SNX19: variants seen among roughly 807,000 people sequenced by gnomAD.
SNX19 encodes sorting nexin 19.
Under a neutral mutation model 85.2 loss-of-function variants are expected in SNX19, and 60 were observed. The ratio of observed to expected loss-of-function variants is 0.70; its 90% CI spans 0.57 to 0.87. SNX19 has a LOEUF of 0.87. Ranked by LOEUF, SNX19 falls within the 40% of genes least tolerant of loss-of-function variation. The pLI is 0.00. For missense variants in SNX19, 1,201 were observed against 1,217.8 expected, an observed-to-expected ratio of 0.99 and a Z score of 0.21; for synonymous variants, 520 against 470.0, an observed-to-expected ratio of 1.11 and a Z score of -1.38.
chr11:130,894,295 T>C (rs1222838045), intron 8 of SNX19, among the ~76,000 whole-genome samples: 1 of 152,192 alleles, frequency 6.6e-6, no homozygotes, highest in Non-Finnish European at 1.5e-5. Flanking sequence ...GCTCCAGCAC[T>C]GAATTTTTAA....
rs374149198 is a variant in SNX19 at position 130,877,318 on chromosome 11, T to C, written c.*1104A>G. 1 of 152,360 alleles carries C rather than the reference T, an allele frequency of 6.6e-6. No individual in the cohort carries two copies. Among genetic ancestry groups the C allele is most frequent in the East Asian group, 1.9e-4 (1 of 5,188 alleles). 9.4% of individuals were successfully genotyped at this position (152,360 alleles called of 1,614,324 possible). A position where few individuals can be genotyped will look rare whatever the true frequency, so the allele number is the denominator to read the frequency against. On this transcript the variant is annotated 3_prime_UTR_variant, in exon 11 of 11. Coordinates refer to ENST00000265909, the MANE Select transcript of SNX19 (RefSeq NM_014758.3). ...CCAGTTGCCTTGCCTTTCTAATAGA[T>C]GTTGCAGTCTGACAAAACACCTTTG...
intron 8 of SNX19, among the ~76,000 whole-genome samples, chr11:130,889,450 A>G (rs1240153168): frequency 3.3e-5 from 5 of 152,230 alleles, no homozygotes; most frequent in African/African-American, 9.6e-5. Flanking sequence ...ATTCATTTTG[A>G]CATCTCCTTT....
In SNX19 at chr11:130,915,803, A is replaced by C. The variant is rs778964710; in HGVS notation, c.137T>G (p.Val46Gly). The change falls in exon 1 of 11, where the codon GTC (valine) becomes GGC (glycine). Residue 46 changes from valine (V) to glycine (G), a missense_variant. Coordinates refer to ENST00000265909, the MANE Select transcript of SNX19 (RefSeq NM_014758.3). Reference protein sequence around the residue: ...LGWLLVIHLLVNVWLLCLLSA... With the variant: ...LGWLLVIHLLGNVWLLCLLSA... ...CAGAAGGCACAGCAGCCACACGTTG[A>C]CCAGAAGGTGTATGACCAGGAGCCA... 6.2e-7 allele frequency: 1 copy of C among 1,614,176 alleles called. No homozygotes were observed. The highest frequency in any genetic ancestry group is 1.1e-5 in the South Asian group (1 of 91,090).
rs1943072615 is a variant in SNX19, at chr11:130,872,627, G to A, written c.*5795C>T. On this transcript the variant is annotated 3_prime_UTR_variant, in exon 11 of 11. Transcript: ENST00000265909. ...ATATGCTAGCTGAAATTCACCCTTC[G>A]ATGGTTTCATTTTCTTGTCTACAAA... Among the ~76,000 whole-genome samples the A allele has an allele frequency of 6.6e-6, 1 of 152,054 alleles. No homozygotes were observed. The highest frequency in any genetic ancestry group is 6.6e-5 in the Admixed American group (1 of 15,266).
intron 8 of SNX19, among the ~76,000 whole-genome samples, chr11:130,897,607 A>G (rs1944966560): frequency 6.6e-6 from 1 of 151,950 alleles, no homozygotes; most frequent in African/African-American, 2.4e-5. Context: ...CCAGCTTCTC[A>G]TTCCTTCACT....
At position 130,879,041 on chromosome 11, in the gene SNX19, C is replaced by A. The variant is rs1414485179; in HGVS notation, c.2847-487G>T. Among the ~76,000 whole-genome samples, 3 of 152,270 alleles carry A rather than the reference C, an allele frequency of 2.0e-5. No homozygotes were observed. The East Asian group carries it at 5.8e-4, about 29-fold the overall frequency. On this transcript the variant is annotated intron_variant, in intron 10 of 10. Coordinates refer to ENST00000265909, the MANE Select transcript of SNX19 (RefSeq NM_014758.3). ...TCAATACTTCCAGAAGAGTAACAGCCCAAGGGATGGAATCTACCTCTTCTG... is the reference window on the plus strand; with the variant it reads ...TCAATACTTCCAGAAGAGTAACAGCACAAGGGATGGAATCTACCTCTTCTG...
intron 4 of SNX19, among the ~76,000 whole-genome samples, chr11:130,909,301 C>T (rs1179941978): frequency 2.0e-5 from 3 of 152,216 alleles, no homozygotes; most frequent in East Asian, 3.8e-4. Flanking sequence ...TATCCCCTAA[C>T]ACCTACTACA....
chr11:130,887,908 C>T (rs1183549675), intron 8 of SNX19, among the ~76,000 whole-genome samples: 1 of 152,024 alleles, frequency 6.6e-6, no homozygotes, highest in Non-Finnish European at 1.5e-5. Context: ...AATGATGTGC[C>T]CAGAACCAAA....
At chr11:130,908,104 G>C in intron 4 of SNX19, 21 bp from the exon 5 acceptor site, 2 of 1,612,520 alleles carry the variant, frequency 1.2e-6, no homozygotes, top group East Asian at 4.5e-5. Context: ...CAGAGGTGCA[G>C]GGTCAGTCCA....
rs1320368113 is a variant in SNX19, at chr11:130,877,892, C to T, written c.*530G>A. 1 of 152,340 alleles carries T rather than the reference C, an allele frequency of 6.6e-6. No homozygotes were observed. Among genetic ancestry groups the T allele is most frequent in the Non-Finnish European group, 1.5e-5 (1 of 68,054 alleles). The allele number at this position is 152,340 out of a possible 1,614,324, so 9.4% of individuals were successfully genotyped here. ...TTCTTCCCTCCTTCTTCTTCTGGAACTGTTGGGAAACTAGATTAGACCCAG... is the reference window on the plus strand; with the variant it reads ...TTCTTCCCTCCTTCTTCTTCTGGAATTGTTGGGAAACTAGATTAGACCCAG... On this transcript the variant is annotated 3_prime_UTR_variant, in exon 11 of 11. Coordinates refer to ENST00000265909, the MANE Select transcript of SNX19 (RefSeq NM_014758.3).
chr11:130,915,790 C>T lies in SNX19; in HGVS notation c.150G>A (p.Leu50=). Residue 50 remains leucine (L), a synonymous_variant, in exon 1 of 11, where the codon CTG becomes CTA. Transcript: ENST00000265909. ...CTAGCAATGCCGACAGAAGGCACAG[C>T]AGCCACACGTTGACCAGAAGGTGTA... ...LVIHLLVNVW[L]LCLLSALLVV... is the part of the protein sequence containing the mutation. 1.9e-6 allele frequency: 3 copies of T among 1,614,218 alleles called. No individual in the cohort carries two copies. The highest frequency in any genetic ancestry group is 2.5e-6 in the Non-Finnish European group (3 of 1,180,038).
rs1189399027 is a variant in SNX19, at chr11:130,877,189, T to A, written c.*1233A>T. ...GCTCCCAGTGACATCCTTGACATCT[T>A]TTTGCCAGCTATTCACATGCATTTA... On this transcript the variant is annotated 3_prime_UTR_variant, in exon 11 of 11. Transcript: ENST00000265909. 6.6e-6 allele frequency: 1 copy of A among 152,214 alleles called. No individual in the cohort carries two copies. The highest frequency in any genetic ancestry group is 2.4e-5 in the African/African-American group (1 of 41,450). 9.4% of individuals were successfully genotyped at this position (152,214 alleles called of 1,614,324 possible). A position where few individuals can be genotyped will look rare whatever the true frequency, so the allele number is the denominator to read the frequency against.
chr11:130,875,615 G>T lies in SNX19; in HGVS notation c.*2807C>A, dbSNP rs924889856. ...TGTATTGATTTTAAAATTTATACAT[G>T]CTCTCACTCATAGGTGGGAATTGAA... On this transcript the variant is annotated 3_prime_UTR_variant, in exon 11 of 11. Transcript: ENST00000265909. The T allele has an allele frequency of 2.6e-5, 4 of 150,994 alleles. No individual in the cohort carries two copies. The Admixed American group carries it at 2.7e-4, about 10-fold the overall frequency. 9.4% of individuals were successfully genotyped at this position (150,994 alleles called of 1,614,324 possible).
intron 8 of SNX19, chr11:130,895,136 G>A (rs1944151): frequency 0.19 from 186,669 of 985,326 alleles, 18,343 homozygotes; most frequent in Middle Eastern, 0.22. Context: ...GGAGGCCCAG[G>A]TTGTGGAGGG....
Position 130,910,298 on chromosome 11 carries a change from C to T in SNX19, c.1886G>A (p.Arg629His), listed in dbSNP as rs750642764. Residue 629 changes from arginine to histidine, a missense_variant, in exon 3 of 11, where the codon CGT becomes CAT. By Grantham distance (29) the Arg-to-His change is conservative. Coordinates refer to ENST00000265909, the MANE Select transcript of SNX19 (RefSeq NM_014758.3). ...GNMDSDRVEARKSLLESFLKQ... is the reference protein window; with the variant it reads ...GNMDSDRVEAHKSLLESFLKQ... Reference sequence around the variant, plus strand: ...TAGGAATGATTCTAGGAGGCTCTTACGGGCTTCTACTCTGTCACTGTCCAT... The same window carrying T: ...TAGGAATGATTCTAGGAGGCTCTTATGGGCTTCTACTCTGTCACTGTCCAT... 18 of 1,613,118 alleles carry T rather than the reference C, an allele frequency of 1.1e-5. No homozygotes were observed. The highest frequency in any genetic ancestry group is 2.2e-5 in the East Asian group (1 of 44,882).
intron 8 of SNX19, among the ~76,000 whole-genome samples, chr11:130,896,966 TAA>T (rs1313177086): frequency 1.3e-5 from 2 of 151,958 alleles, no homozygotes; most frequent in South Asian, 2.1e-4. Context: ...TGGAGCGTTC[TAA>T]GAGAACAGTG....
At chr11:130,914,182 T>C in intron 1 of SNX19, 84 bp downstream of exon 1, 2 of 1,174,204 alleles carry the variant, frequency 1.7e-6, no homozygotes, top group Non-Finnish European at 2.4e-6. Flanking sequence ...TAACAGCATC[T>C]CTCCCCCAAG....
chr11:130,905,432 T>C lies in SNX19; in HGVS notation c.2443+521A>G, dbSNP rs538891170. On this transcript the variant is annotated intron_variant, in intron 7 of 10. Coordinates refer to ENST00000265909, the MANE Select transcript of SNX19 (RefSeq NM_014758.3). Reference sequence around the variant, plus strand: ...CCAAGTGAAGATATACAATATTCAATGTTTAAGGCATCACCACACACATGT... The same window carrying C: ...CCAAGTGAAGATATACAATATTCAACGTTTAAGGCATCACCACACACATGT... Among the ~76,000 whole-genome samples, 14 of 152,310 alleles carry C rather than the reference T, an allele frequency of 9.2e-5. No homozygotes were observed. The East Asian group carries it at 2.7e-3, about 30-fold the overall frequency.
rs1055604505 is a variant in SNX19 at position 130,868,910 on chromosome 11, A to G, written c.*9512T>C. Reference sequence around the variant, plus strand: ...CCTATCAGGAGGAAAGAAATATGTTACTCACTGCCACAAGAAGGTTGCCAA... The same window carrying G: ...CCTATCAGGAGGAAAGAAATATGTTGCTCACTGCCACAAGAAGGTTGCCAA... On this transcript the variant is annotated 3_prime_UTR_variant, in exon 11 of 11. Transcript: ENST00000265909. The G allele has an allele frequency of 2.7e-4, 41 of 152,208 alleles. No homozygotes were observed. Among genetic ancestry groups the G allele is most frequent in the African/African-American group, 8.7e-4 (36 of 41,502 alleles). The allele number at this position is 152,208 out of a possible 1,614,324, so 9.4% of individuals were successfully genotyped here.
Sources: gnomAD v4.1 joint callset for allele counts (sites outside exome capture counted in the v4.1 genomes callset) on GRCh38, gnomAD v4.1.1 for gene constraint, MANE v1.5 for transcripts, NCBI Gene and HGNC (gene_info 2026-07-23, HGNC 2026-07-21) for gene names.